The following KCTD3 variants were observed in gnomAD, a reference collection of about 807,000 sequenced individuals.
The protein encoded by KCTD3 is potassium channel tetramerization domain containing 3.
A neutral mutation model predicts 85.8 loss-of-function variants in KCTD3; 41 were observed. That is an observed-to-expected ratio of 0.48 (90% CI 0.37 to 0.62). The LOEUF (loss-of-function observed/expected upper bound fraction) is 0.62, where lower values mean the gene tolerates loss of function less well. Among genes scored for constraint, KCTD3 ranks in the 20% least tolerant of loss-of-function variants. The probability of loss-of-function intolerance (pLI) is 0.00; values close to 1 mark genes in which losing one functional copy is unlikely to be tolerated. For synonymous variants in KCTD3, 338 were observed against 345.4 expected, an observed-to-expected ratio of 0.98 and a Z score of 0.24; for missense variants, 724 against 989.9, an observed-to-expected ratio of 0.73 and a Z score of 3.60.
chr1:215,603,879 G>C (rs1046561505), intron 12 of KCTD3, among the ~76,000 whole-genome samples: 2 of 152,144 alleles, frequency 1.3e-5, no homozygotes, highest in African/African-American at 4.8e-5. Context: ...TACTGTGATA[G>C]AACCTAATAG....
chr1:215,569,602 T>TG (rs1379239210), intron 1 of KCTD3, among the ~76,000 whole-genome samples: 2 of 150,084 alleles, frequency 1.3e-5, no homozygotes, highest in Non-Finnish European at 3.0e-5. Flanking sequence ...ACTTTTTTTT[T>TG]TTTTTTTTTT....
intron 14 of KCTD3, among the ~76,000 whole-genome samples, chr1:215,609,165 T>C (rs1655143776): frequency 6.6e-6 from 1 of 151,818 alleles, no homozygotes; most frequent in South Asian, 2.1e-4. Flanking sequence ...ATTTAGGAGG[T>C]AGATACCCCA....
Position 215,573,772 on chromosome 1 carries a change from A to AT in KCTD3, c.84-9dup. 6.6e-7 allele frequency: 1 copy of AT among 1,523,942 alleles called. No homozygotes were observed. The highest frequency in any genetic ancestry group is 9.0e-7 in the Non-Finnish European group (1 of 1,112,182). The allele number at this position is 1,523,942 out of a possible 1,614,324, so 94.4% of individuals were successfully genotyped here. ...ATGTTCTCACTTATAATACCAGATG[A>AT]TTTTTAATTGCAGATTTAGTACCTC... On this transcript the variant is annotated splice_polypyrimidine_tract_variant and intron_variant, in intron 1 of 17. Coordinates refer to ENST00000259154, the MANE Select transcript of KCTD3 (RefSeq NM_016121.5).
At chr1:215,596,123 A>G (rs892980812) in intron 10 of KCTD3, among the ~76,000 whole-genome samples, 6 of 152,208 alleles carry the variant, frequency 3.9e-5, no homozygotes, top group African/African-American at 1.2e-4. Context: ...CTAAAATGAC[A>G]GGTCTGCTGT....
At chr1:215,570,595 A>G (rs1300449585) in intron 1 of KCTD3, among the ~76,000 whole-genome samples, 2 of 152,194 alleles carry the variant, frequency 1.3e-5, no homozygotes, top group African/African-American at 4.8e-5. Flanking sequence ...TACTTAGTCT[A>G]TTAAAATGTA....
chr1:215,569,593 CTTTT>C (rs754210465), intron 1 of KCTD3, among the ~76,000 whole-genome samples: 1 of 130,512 alleles, frequency 7.7e-6, no homozygotes, highest in Non-Finnish European at 1.6e-5. Flanking sequence ...GGCACTGTAA[CTTTT>C]TTTTTTTTTT....
intron 9 of KCTD3, among the ~76,000 whole-genome samples, chr1:215,589,404 G>A (rs1172862994): frequency 6.6e-6 from 1 of 152,190 alleles, no homozygotes; most frequent in Non-Finnish European, 1.5e-5. Flanking sequence ...GCTTTCCAAA[G>A]TGCTGGGATT....
At chr1:215,613,852 T>C (rs377213085) in intron 15 of KCTD3, among the ~76,000 whole-genome samples, 14 of 152,066 alleles carry the variant, frequency 9.2e-5, no homozygotes, top group African/African-American at 2.7e-4. Context: ...GTTGCTTTGG[T>C]CTATGTGTTT....
intron 8 of KCTD3, among the ~76,000 whole-genome samples, chr1:215,583,901 GAGTA>G (rs1417182034): frequency 6.6e-6 from 1 of 152,200 alleles, no homozygotes; most frequent in Non-Finnish European, 1.5e-5. Flanking sequence ...AGAAAGCACT[GAGTA>G]AGCTTATCTT....
At chr1:215,608,541 CGTT>C (rs1655117017) in intron 14 of KCTD3, among the ~76,000 whole-genome samples, 1 of 151,788 alleles carries the variant, frequency 6.6e-6, no homozygotes, top group African/African-American at 2.4e-5. Flanking sequence ...GCTAGAAAAA[CGTT>C]GGTCCCTATA....
Position 215,620,835 on chromosome 1 carries a change from A to T in KCTD3, c.*217A>T, listed in dbSNP as rs1345747324. The T allele has an allele frequency of 2.1e-6, 1 of 473,412 alleles. No individual in the cohort carries two copies. The highest frequency in any genetic ancestry group is 2.0e-5 in the African/African-American group (1 of 49,724). 29.3% of individuals were successfully genotyped at this position (473,412 alleles called of 1,614,324 possible). A position where few individuals can be genotyped will look rare whatever the true frequency, so the allele number is the denominator to read the frequency against. ...TTAATTTTACAAGTACATTTAACAG[A>T]TCATTTATAAAGCAGGAGTCCATTT... On this transcript the variant is annotated 3_prime_UTR_variant, in exon 18 of 18. Coordinates refer to ENST00000259154, the MANE Select transcript of KCTD3 (RefSeq NM_016121.5).
At chr1:215,577,798 GT>G (rs1659648088) in intron 5 of KCTD3, 70 bp downstream of exon 5, 1 of 1,303,682 alleles carries the variant, frequency 7.7e-7, no homozygotes, top group Non-Finnish European at 1.1e-6. Flanking sequence ...AATGAAATGT[GT>G]TTATATCAGG....
Position 215,609,752 on chromosome 1 carries a change from A to C in KCTD3, c.1465+1580A>C, listed in dbSNP as rs1399835227. On this transcript the variant is annotated intron_variant, in intron 14 of 17. Coordinates refer to ENST00000259154, the MANE Select transcript of KCTD3 (RefSeq NM_016121.5). ...CTGAGTATTATTTACTAAATAAAGA[A>C]ATATAGGAAGAAGAACTTATTTTGA... Among the ~76,000 whole-genome samples the C allele has an allele frequency of 2.6e-5, 4 of 151,988 alleles. No individual in the cohort carries two copies. In the South Asian group the frequency reaches 8.3e-4, roughly 31 times the overall value.
intron 9 of KCTD3, among the ~76,000 whole-genome samples, chr1:215,593,726 A>C (rs952689311): frequency 6.6e-6 from 1 of 152,098 alleles, no homozygotes. Flanking sequence ...GAAGCAGCCA[A>C]AGATCTACAT....
intron 14 of KCTD3, among the ~76,000 whole-genome samples, chr1:215,611,281 G>T (rs954453610): frequency 2.0e-5 from 3 of 151,568 alleles, no homozygotes; most frequent in African/African-American, 7.3e-5. Flanking sequence ...TTTTCTCTTG[G>T]TTTACCAATT....
chr1:215,586,302 C>A (rs1660004665), intron 8 of KCTD3, among the ~76,000 whole-genome samples, 193 bp from the exon 9 acceptor site: 1 of 151,828 alleles, frequency 6.6e-6, no homozygotes, highest in Non-Finnish European at 1.5e-5. Context: ...TATACAATAC[C>A]CCAAGGATAA....
In KCTD3 at chr1:215,618,796, G is replaced by GCTTT. The variant is rs1655553716; in HGVS notation, c.1563-79_1563-76dup. ...AAGTCTTTTCTAGTATAACATGTTT[G>GCTTT]CTTTCTTTCTTTCTGTCTTTTTAGT... is the stretch of plus-strand genomic sequence containing the variant. On this transcript the variant is annotated intron_variant, in intron 15 of 17. Transcript: ENST00000259154. 7.3e-6 allele frequency: 7 copies of GCTTT among 959,684 alleles called. No homozygotes were observed. The South Asian group carries it at 9.4e-5, about 13-fold the overall frequency. The allele number at this position is 959,684 out of a possible 1,614,324, so 59.4% of individuals were successfully genotyped here. A position where few individuals can be genotyped will look rare whatever the true frequency, so the allele number is the denominator to read the frequency against.
chr1:215,598,247 C>T (rs1471925508), intron 10 of KCTD3, among the ~76,000 whole-genome samples: 1 of 151,952 alleles, frequency 6.6e-6, no homozygotes, highest in African/African-American at 2.4e-5. Context: ...AAAAGTTTGC[C>T]CAGTAATCTT....
chr1:215,567,811 G>T, intron 1 of KCTD3, 43 bp downstream of exon 1: 1 of 1,186,318 alleles, frequency 8.4e-7, no homozygotes, highest in South Asian at 4.3e-5. Flanking sequence ...ATGCCTTGGC[G>T]GCCTCCTCCT....
Sources: allele counts gnomAD v4.1 joint callset (sites outside exome capture counted in the v4.1 genomes callset), GRCh38; gene constraint gnomAD v4.1.1; transcripts MANE v1.5; gene names NCBI Gene and HGNC (gene_info 2026-07-23, HGNC 2026-07-21).